Variants in SLC12A5 observed in about 807,000 individuals in gnomAD.
SLC12A5 encodes solute carrier family 12 member 5.
Under a neutral mutation model 124.0 loss-of-function variants are expected in SLC12A5, and 18 were observed. The observed-to-expected ratio is 0.15, with a 90% CI of 0.10 to 0.22. The LOEUF is 0.22. Ranked by LOEUF, SLC12A5 falls within the 10% of genes least tolerant of loss-of-function variation. SLC12A5 has a pLI of 1.00. For synonymous variants in SLC12A5, 589 were observed against 568.0 expected, an observed-to-expected ratio of 1.04 and a Z score of -0.53; for missense variants, 867 against 1,478.7, an observed-to-expected ratio of 0.59 and a Z score of 6.78.
At chr20:46,022,091 A>G in intron 1 of SLC12A5, 1 of 336,080 alleles carries the variant, frequency 3.0e-6, no homozygotes. Flanking sequence ...GAGGGGCCAA[A>G]CGCGAGGTGG....
chr20:46,041,488 C>T lies in SLC12A5; in HGVS notation c.1014C>T (p.Asn338=), dbSNP rs959171616. 6.2e-6 allele frequency: 10 copies of T among 1,614,134 alleles called. No homozygotes were observed. The highest frequency in any genetic ancestry group is 2.2e-5 in the South Asian group (2 of 91,082). ...CCTGTGATGAATACTTCACCCGAAA[C>T]AATGTCACAGAGATCCAGGGCATCC... ...NATCDEYFTR[N]NVTEIQGIPG... is the part of the protein sequence containing the mutation. Residue 338 remains asparagine (N), a synonymous_variant, in exon 8 of 26, where the codon AAC becomes AAT. Coordinates refer to ENST00000243964, the MANE Select transcript of SLC12A5 (RefSeq NM_020708.5).
At chr20:46,033,020 C>G (rs1018746473) in intron 1 of SLC12A5, among the ~76,000 whole-genome samples, 1 of 152,134 alleles carries the variant, frequency 6.6e-6, no homozygotes, top group Non-Finnish European at 1.5e-5. Context: ...ATTTGACAAC[C>G]GGGAGTTTCT....
chr20:46,047,608 G>A (rs1208359797), intron 15 of SLC12A5, 35 bp downstream of exon 15: 1 of 1,603,392 alleles, frequency 6.2e-7, no homozygotes, highest in Admixed American at 1.7e-5. Flanking sequence ...GGTGGCTGGG[G>A]AAGGCTGAAG....
rs536815125 is a variant in SLC12A5, at chr20:46,036,027, A to G, written c.426+104A>G. ...GAAGCATGAGACCTGAGCTTTTTAT[A>G]GGAACCACTGCTTATGATCTTTGAG... On this transcript the variant is annotated intron_variant, in intron 4 of 25. Coordinates refer to ENST00000243964, the MANE Select transcript of SLC12A5 (RefSeq NM_020708.5). 7.4e-6 allele frequency: 10 copies of G among 1,357,356 alleles called. No homozygotes were observed. The South Asian group carries it at 8.9e-5, about 12-fold the overall frequency. The allele number at this position is 1,357,356 out of a possible 1,614,324, so 84.1% of individuals were successfully genotyped here.
chr20:46,022,154 G>A, intron 1 of SLC12A5: 1 of 334,538 alleles, frequency 3.0e-6, no homozygotes. Flanking sequence ...GGACGGAGGC[G>A]AAGGGGGCGG....
chr20:46,043,365 G>C, intron 9 of SLC12A5, 42 bp downstream of exon 9: 1 of 1,597,550 alleles, frequency 6.3e-7, no homozygotes, highest in East Asian at 2.2e-5. Context: ...CCTGTGAGTG[G>C]ATGGGGAAGA....
Position 46,053,229 on chromosome 20 carries a change from C to T in SLC12A5, c.2547+103C>T, listed in dbSNP as rs2084661549. 8 of 1,311,642 alleles carry T rather than the reference C, an allele frequency of 6.1e-6. No homozygotes were observed. The South Asian group carries it at 8.6e-5, about 14-fold the overall frequency. 81.3% of individuals were successfully genotyped at this position (1,311,642 alleles called of 1,614,324 possible). On this transcript the variant is annotated intron_variant, in intron 19 of 25. Coordinates refer to ENST00000243964, the MANE Select transcript of SLC12A5 (RefSeq NM_020708.5). The surrounding 1 kb of genome is among the most constrained non-coding windows in gnomAD (Gnocchi z 4.7). Reference sequence around the variant, plus strand: ...GCAGGTCAGACTCAGGGGCTCTGGCCAGGGTCAGCTTCCGTGTCCTTCCTC... The same window carrying T: ...GCAGGTCAGACTCAGGGGCTCTGGCTAGGGTCAGCTTCCGTGTCCTTCCTC...
chr20:46,050,638 A>G (rs1391681423), intron 17 of SLC12A5, among the ~76,000 whole-genome samples: 1 of 152,216 alleles, frequency 6.6e-6, no homozygotes, highest in Admixed American at 6.5e-5. Flanking sequence ...CCAGAGCTGG[A>G]GGCCTTGACT....
At chr20:46,037,573 A>C (rs993651040) in intron 6 of SLC12A5, among the ~76,000 whole-genome samples, 188 bp downstream of exon 6, 1 of 152,212 alleles carries the variant, frequency 6.6e-6, no homozygotes, top group Non-Finnish European at 1.5e-5. Context: ...TACAATAATT[A>C]TGTAACATAC....
At chr20:46,048,270 A>G (rs1056436471) in intron 16 of SLC12A5, among the ~76,000 whole-genome samples, 185 bp downstream of exon 16, 9 of 152,142 alleles carry the variant, frequency 5.9e-5, no homozygotes, top group Admixed American at 3.3e-4. Flanking sequence ...TGAGTTCCAG[A>G]CATTTATGTG....
At position 46,051,678 on chromosome 20, in the gene SLC12A5, A is replaced by G. The variant is rs1479711008; in HGVS notation, c.2185A>G (p.Ile729Val). The G allele has an allele frequency of 6.2e-7, 1 of 1,607,820 alleles. No homozygotes were observed. Among genetic ancestry groups the G allele is most frequent in the Admixed American group, 1.7e-5 (1 of 58,864 alleles). Residue 729 changes from isoleucine to valine, a missense_variant, in exon 18 of 26, where the codon ATC becomes GTC. Coordinates refer to ENST00000243964, the MANE Select transcript of SLC12A5 (RefSeq NM_020708.5). ...HPQAQRAEES[I>V]RRLMEAEKVK... ...TTGTCTTTTCCCCCTCCCCTAGTCT[A>G]TCAGGCGCCTGATGGAGGCAGAGAA...
At position 46,037,379 on chromosome 20, in the gene SLC12A5, C is replaced by T; in HGVS notation, c.606C>T (p.Ile202=). The T allele has an allele frequency of 1.2e-6, 2 of 1,608,158 alleles. No individual in the cohort carries two copies. Among genetic ancestry groups the T allele is most frequent in the African/African-American group, 1.3e-5 (1 of 74,826 alleles). The change falls in exon 6 of 26, where the codon ATC becomes ATT. Residue 202 remains isoleucine (I), a synonymous_variant. Transcript: ENST00000243964. ...GAMYILGTIE[I]LLAYLFPAMA... ...TGTACATCCTGGGCACCATCGAAAT[C>T]CTGCTGGTAAGAGAGGCTGAGGAGG...
intron 13 of SLC12A5, 28 bp downstream of exon 13, chr20:46,046,024 C>G (rs370572563): frequency 1.0e-4 from 167 of 1,599,064 alleles, no homozygotes; most frequent in East Asian, 4.7e-4. Context: ...TGCCCTCCCC[C>G]CTGGTTCAGG....
At chr20:46,043,521 A>G in intron 9 of SLC12A5, 112 bp from the exon 10 acceptor site, 3 of 1,233,740 alleles carry the variant, frequency 2.4e-6, no homozygotes, top group Non-Finnish European at 3.5e-6. Context: ...ACAAGCCAGT[A>G]TGTTAGGACT....
chr20:46,030,839 C>T (rs889098120), intron 1 of SLC12A5, among the ~76,000 whole-genome samples: 4 of 149,474 alleles, frequency 2.7e-5, no homozygotes, highest in Admixed American at 6.7e-5. Flanking sequence ...ACTCCTCATT[C>T]CTCCTGGGGG....
At chr20:46,048,258 G>A (rs1161162296) in intron 16 of SLC12A5, among the ~76,000 whole-genome samples, 173 bp downstream of exon 16, 3 of 152,180 alleles carry the variant, frequency 2.0e-5, no homozygotes, top group Admixed American at 6.5e-5. Context: ...CTGAGGCTGA[G>A]CTGAGTTCCA....
Position 46,029,361 on chromosome 20 carries a change from C to G in SLC12A5, c.17C>G (p.Thr6Arg). The G allele has an allele frequency of 1.3e-6, 2 of 1,548,944 alleles. No homozygotes were observed. The highest frequency in any genetic ancestry group is 8.7e-7 in the Non-Finnish European group (1 of 1,146,180). Residue 6 changes from threonine to arginine, a missense_variant, in exon 1 of 26, where the codon ACG becomes AGG. This residue lies in a region of SLC12A5 where 58 missense variants were observed against 52.2 expected (regional missense o/e 1.11). Coordinates refer to ENST00000243964, the MANE Select transcript of SLC12A5 (RefSeq NM_020708.5). The stretch of plus-strand genomic sequence containing the variant: ...GCCGCCACCATGCTAAACAACCTGA[C>G]GGACTGCGAGGACGGCGATGGGGGA... MLNNL[T>R]DCEDGDGGAN...
At chr20:46,032,408 G>T (rs962818494) in intron 1 of SLC12A5, among the ~76,000 whole-genome samples, 2 of 152,246 alleles carry the variant, frequency 1.3e-5, no homozygotes, top group African/African-American at 2.4e-5. Context: ...CAGCTCCATA[G>T]GAGACAGGAC....
At chr20:46,028,081 C>G (rs2084414265), upstream of SLC12A5, among the ~76,000 whole-genome samples, 1 of 152,178 alleles carries the variant, frequency 6.6e-6, no homozygotes, top group Non-Finnish European at 1.5e-5. Flanking sequence ...ACCACTGGCT[C>G]AAACCTGGAC....
Sources: allele counts gnomAD v4.1 joint callset (sites outside exome capture counted in the v4.1 genomes callset), GRCh38; gene constraint gnomAD v4.1.1; regional missense constraint gnomAD v4.1.1; non-coding constraint Gnocchi (gnomAD v3.1); transcripts MANE v1.5; gene names NCBI Gene and HGNC (gene_info 2026-07-23, HGNC 2026-07-21).